SLC4A4: variants seen among roughly 807,000 people sequenced by gnomAD.
The protein encoded by SLC4A4 is electrogenic sodium bicarbonate cotransporter 1.
Under a neutral mutation model 111.5 loss-of-function variants are expected in SLC4A4, and 27 were observed. The ratio of observed to expected loss-of-function variants is 0.24; its 90% confidence interval spans 0.18 to 0.33. The LOEUF (loss-of-function observed/expected upper bound fraction) is 0.33, where lower values mean the gene tolerates loss of function less well. SLC4A4 is among the 10% of genes least tolerant of loss of function. The pLI is 1.00. For synonymous variants in SLC4A4, 443 were observed against 463.4 expected (o/e 0.96, Z 0.57); for missense variants, 909 against 1,315.5 (o/e 0.69, Z 4.78).
chr4:71,487,770 T>C (rs970644506), intron 15 of SLC4A4, among the ~76,000 whole-genome samples: 1 of 151,674 alleles, frequency 6.6e-6, no homozygotes, highest in African/African-American at 2.4e-5. Context: ...ACAGATATTA[T>C]GTAGTGAGTG....
chr4:71,525,924 C>A (rs547511864), intron 16 of SLC4A4, among the ~76,000 whole-genome samples: 4 of 151,732 alleles, frequency 2.6e-5, no homozygotes, highest in African/African-American at 2.4e-5. Context: ...TTTCTAAATG[C>A]GCTTAAAACT....
chr4:71,485,856 GA>G (rs1729339361), intron 14 of SLC4A4, among the ~76,000 whole-genome samples: 1 of 151,308 alleles, frequency 6.6e-6, no homozygotes, highest in Non-Finnish European at 1.5e-5. Flanking sequence ...TTCCTGTTAA[GA>G]GCTACACTGG....
chr4:71,243,286 T>G (rs1195164430), intron 2 of SLC4A4, among the ~76,000 whole-genome samples: 1 of 152,150 alleles, frequency 6.6e-6, no homozygotes, highest in African/African-American at 2.4e-5. Flanking sequence ...TACTTCTGCT[T>G]CCTACTGGCC....
At chr4:71,388,849 C>T (rs1468061227) in intron 6 of SLC4A4, among the ~76,000 whole-genome samples, 2 of 152,126 alleles carry the variant, frequency 1.3e-5, no homozygotes, top group Non-Finnish European at 2.9e-5. Context: ...CCATGCCTGG[C>T]CTAACCTACC....
chr4:71,223,898 A>C (rs1200389339), intron 1 of SLC4A4, among the ~76,000 whole-genome samples: 1 of 152,030 alleles, frequency 6.6e-6, no homozygotes. Context: ...TCTGCCCCTC[A>C]GGAACCTGAG....
intron 1 of SLC4A4, among the ~76,000 whole-genome samples, chr4:71,222,221 C>A (rs1718786514): frequency 6.6e-6 from 1 of 152,172 alleles, no homozygotes; most frequent in Non-Finnish European, 1.5e-5. Flanking sequence ...TCACTCTGCA[C>A]CACCTACTGG....
At chr4:71,414,557 G>T (rs910819817) in intron 7 of SLC4A4, among the ~76,000 whole-genome samples, 2 of 152,124 alleles carry the variant, frequency 1.3e-5, no homozygotes, top group Non-Finnish European at 2.9e-5. Flanking sequence ...CTTTTACCAT[G>T]CATGCCTTGA....
At chr4:71,479,726 T>C (rs1333568915) in intron 14 of SLC4A4, among the ~76,000 whole-genome samples, 2 of 151,788 alleles carry the variant, frequency 1.3e-5, no homozygotes, top group Non-Finnish European at 2.9e-5. Context: ...GTGAGACTCC[T>C]TTACCGGCAC....
At chr4:71,519,762 G>A (rs1425966898) in intron 16 of SLC4A4, among the ~76,000 whole-genome samples, 2 of 152,108 alleles carry the variant, frequency 1.3e-5, no homozygotes, top group Non-Finnish European at 2.9e-5. Flanking sequence ...AGTCTCCTGA[G>A]TAGCTGGGTT....
At chr4:71,318,701 C>T (rs1188109871) in intron 3 of SLC4A4, among the ~76,000 whole-genome samples, 2 of 151,870 alleles carry the variant, frequency 1.3e-5, no homozygotes, top group African/African-American at 2.4e-5. Context: ...TAGGCATTGG[C>T]CAGCTTTTCT....
In SLC4A4 at chr4:71,363,389, C is replaced by A. The variant is rs73826294; in HGVS notation, c.730+6202C>A. ...ATTTTGGATCTGGCTGGGACCACCGCCAGGTCTGGTAGCTTTCTCGTTCCC... is the reference window on the plus strand; with the variant it reads ...ATTTTGGATCTGGCTGGGACCACCGACAGGTCTGGTAGCTTTCTCGTTCCC... On this transcript the variant is annotated intron_variant, in intron 6 of 25. Coordinates refer to ENST00000264485, the MANE Select transcript of SLC4A4 (RefSeq NM_001098484.3). 7.9e-3 allele frequency among the ~76,000 whole-genome samples: 1,210 copies of A among 152,258 alleles called. 18 individuals carry two copies. The highest frequency in any genetic ancestry group is 0.026 in the African/African-American group (1,065 of 41,540).
chr4:71,116,052 G>A (rs1355084983), intron 2 of SLC4A4, among the ~76,000 whole-genome samples: 1 of 152,006 alleles, frequency 6.6e-6, no homozygotes, highest in East Asian at 1.9e-4. Context: ...ACACCACGAC[G>A]CCTGGCTAAT....
At chr4:71,440,499 G>A in intron 7 of SLC4A4, 117 bp from the exon 8 acceptor site, 1 of 1,123,240 alleles carries the variant, frequency 8.9e-7, no homozygotes, top group Non-Finnish European at 1.3e-6. Flanking sequence ...TTGTAAAAAG[G>A]AATTTCCTGT....
At chr4:71,461,486 C>T (rs191542404) in intron 12 of SLC4A4, among the ~76,000 whole-genome samples, 3 of 152,124 alleles carry the variant, frequency 2.0e-5, no homozygotes, top group South Asian at 2.1e-4. Context: ...AACCAAATTG[C>T]GATAAATCCA....
At chr4:71,523,955 A>G (rs1234256996) in intron 16 of SLC4A4, among the ~76,000 whole-genome samples, 1 of 152,044 alleles carries the variant, frequency 6.6e-6, no homozygotes, top group Non-Finnish European at 1.5e-5. Flanking sequence ...TGTGAGCTTC[A>G]TGCTGCTTGA....
intron 2 of SLC4A4, among the ~76,000 whole-genome samples, chr4:71,103,256 C>A (rs1742812814): frequency 6.6e-6 from 1 of 151,406 alleles, no homozygotes; most frequent in Admixed American, 6.6e-5. Context: ...TACAGGAGCA[C>A]CCAGATTCAT....
chr4:71,429,294 A>G (rs1723435546), intron 7 of SLC4A4, among the ~76,000 whole-genome samples: 1 of 152,160 alleles, frequency 6.6e-6, no homozygotes, highest in Non-Finnish European at 1.5e-5. Flanking sequence ...TGTGATGCAT[A>G]TTACTTGTGT....
intron 18 of SLC4A4, among the ~76,000 whole-genome samples, chr4:71,539,085 C>A (rs1001987129): frequency 1.3e-5 from 2 of 152,030 alleles, no homozygotes; most frequent in African/African-American, 2.4e-5. Context: ...GCTCTGATAT[C>A]TTTTATGGGA....
At chr4:71,550,317 G>T (rs1247704689) in intron 20 of SLC4A4, among the ~76,000 whole-genome samples, 1 of 151,904 alleles carries the variant, frequency 6.6e-6, no homozygotes. Flanking sequence ...TCCTGATAAA[G>T]TCAGCTACTT....
Sources: gnomAD v4.1 joint callset for allele counts (sites outside exome capture counted in the v4.1 genomes callset) on GRCh38, gnomAD v4.1.1 for gene constraint, MANE v1.5 for transcripts, NCBI Gene and HGNC (gene_info 2026-07-23, HGNC 2026-07-21) for gene names.